The following SORCS1 variants were observed in gnomAD, a reference collection of about 807,000 sequenced individuals.
SORCS1 encodes sortilin related VPS10 domain containing receptor 1, also known as VPS10 domain-containing receptor SorCS1.
Under a neutral mutation model 146.1 loss-of-function variants are expected in SORCS1, and 60 were observed. The observed-to-expected ratio is 0.41, with a 90% CI of 0.33 to 0.51. The LOEUF (loss-of-function observed/expected upper bound fraction) is 0.51. SORCS1 is among the 20% of genes least tolerant of loss of function. The probability of loss-of-function intolerance (pLI) is 0.21; values close to 1 mark genes in which losing one functional copy is unlikely to be tolerated. For synonymous variants in SORCS1, 637 were observed against 584.0 expected, an observed-to-expected ratio of 1.09 and a Z score of -1.31; for missense variants, 1,352 against 1,487.6, an observed-to-expected ratio of 0.91 and a Z score of 1.50.
intron 1 of SORCS1, among the ~76,000 whole-genome samples, chr10:107,065,144 G>A (rs1961620105): frequency 6.6e-6 from 1 of 152,122 alleles, no homozygotes; most frequent in Non-Finnish European, 1.5e-5. Flanking sequence ...GAGGGTGGGG[G>A]GAGGCAGGGA....
chr10:107,146,738 C>T (rs1968363196), intron 1 of SORCS1, among the ~76,000 whole-genome samples: 1 of 151,996 alleles, frequency 6.6e-6, no homozygotes, highest in African/African-American at 2.4e-5. Flanking sequence ...GTTTTTAGAC[C>T]CCAACTTCAC....
At chr10:106,914,264 C>T (rs980687083) in intron 2 of SORCS1, among the ~76,000 whole-genome samples, 11 of 151,998 alleles carry the variant, frequency 7.2e-5, no homozygotes, top group Admixed American at 3.3e-4. Flanking sequence ...TCCTTTCTCC[C>T]ATTGGGACAG....
chr10:106,658,327 A>G (rs76010104), intron 17 of SORCS1, among the ~76,000 whole-genome samples: 9 of 151,942 alleles, frequency 5.9e-5, no homozygotes, highest in Admixed American at 2.6e-4. Flanking sequence ...AAAAAAAAAA[A>G]TCAGCTTCAA....
intron 1 of SORCS1, among the ~76,000 whole-genome samples, chr10:106,962,271 T>C (rs1014773707): frequency 6.6e-6 from 1 of 151,658 alleles, no homozygotes; most frequent in South Asian, 2.1e-4. Context: ...TGGTGGTGCA[T>C]GCCTTCATCC....
intron 1 of SORCS1, among the ~76,000 whole-genome samples, chr10:107,161,348 A>G (rs1969688705): frequency 6.6e-6 from 1 of 152,196 alleles, no homozygotes; most frequent in Admixed American, 6.5e-5. Context: ...GTCTGGGGGC[A>G]GATTTATAGG....
chr10:106,766,438 A>C (rs1224332981), intron 4 of SORCS1, among the ~76,000 whole-genome samples: 2 of 152,188 alleles, frequency 1.3e-5, no homozygotes, highest in African/African-American at 4.8e-5. Context: ...CTGAGGCATC[A>C]CAAATATCAA....
At chr10:106,867,119 C>T (rs898624898) in intron 2 of SORCS1, among the ~76,000 whole-genome samples, 3 of 151,990 alleles carry the variant, frequency 2.0e-5, no homozygotes, top group African/African-American at 7.2e-5. Flanking sequence ...GAAGGTCATC[C>T]ACAAAACACA....
chr10:106,579,002 G>A, intron 25 of SORCS1: 1 of 1,519,190 alleles, frequency 6.6e-7, no homozygotes, highest in Non-Finnish European at 8.8e-7. Context: ...GCAAAAGAAA[G>A]TGGTTATGTC....
In SORCS1 at chr10:106,733,416, A is replaced by C. The variant is rs1856747642; in HGVS notation, c.960-3302T>G. ...GCTGCTTTTACTTTATGGCCTAGTG[A>C]GTTCTTAATTGCTGAGGCCAATCAA... On this transcript the variant is annotated intron_variant, in intron 5 of 25. Coordinates refer to ENST00000263054, the MANE Select transcript of SORCS1 (RefSeq NM_052918.5). Among the ~76,000 whole-genome samples, 4 of 152,278 alleles carry C rather than the reference A, an allele frequency of 2.6e-5. No homozygotes were observed. The South Asian group carries it at 8.3e-4, about 32-fold the overall frequency.
intron 17 of SORCS1, among the ~76,000 whole-genome samples, chr10:106,658,774 A>G (rs2135344359): frequency 6.6e-6 from 1 of 152,334 alleles, no homozygotes; most frequent in Non-Finnish European, 1.5e-5. Flanking sequence ...TCACATGAAG[A>G]TACAGGGCTA....
chr10:106,976,175 C>A (rs979478984), intron 1 of SORCS1, among the ~76,000 whole-genome samples: 1 of 148,424 alleles, frequency 6.7e-6, no homozygotes, highest in African/African-American at 2.4e-5. Context: ...GAAGCCTTCC[C>A]AACCTCTTTT....
Position 107,124,464 on chromosome 10 carries a change from C to T in SORCS1, c.558+39505G>A, listed in dbSNP as rs889777818. Among the ~76,000 whole-genome samples the T allele has an allele frequency of 3.3e-5, 5 of 152,224 alleles. No homozygotes were observed. The East Asian group carries it at 9.7e-4, about 29-fold the overall frequency. On this transcript the variant is annotated intron_variant, in intron 1 of 25. Transcript: ENST00000263054. ...CAGGACCAGTCAGGTTTTAATTTTT[C>T]CTTTTTTTCTCCCAAACCGGTGACT...
rs140061433 is a variant in SORCS1 at position 106,835,120 on chromosome 10, C to A, written c.627-5447G>T. ...TCAGAAACCACCATCTGAGGCATCC[C>A]ACCCGCCTTCCAAGAGGTTATTATC... On this transcript the variant is annotated intron_variant, in intron 2 of 25. Transcript: ENST00000263054. 4.3e-3 allele frequency among the ~76,000 whole-genome samples: 658 copies of A among 152,246 alleles called. 7 individuals carry two copies. The highest frequency in any genetic ancestry group is 0.016 in the African/African-American group (647 of 41,544).
intron 2 of SORCS1, among the ~76,000 whole-genome samples, chr10:106,937,247 G>C (rs1953774055): frequency 6.7e-6 from 1 of 150,222 alleles, no homozygotes; most frequent in Admixed American, 6.6e-5. Context: ...TCAGCTCACT[G>C]CACCCTCCGC....
At chr10:107,165,046 CG>C (rs911119994), upstream of SORCS1, among the ~76,000 whole-genome samples, 3 of 151,882 alleles carry the variant, frequency 2.0e-5, no homozygotes, top group African/African-American at 7.2e-5. This position sits in a 1 kb window ranked among gnomAD's most constrained non-coding sequence, Gnocchi z 4.0. Context: ...GTCGATGTGT[CG>C]GGAGCTTCCT....
intron 1 of SORCS1, among the ~76,000 whole-genome samples, chr10:107,034,710 A>AAAAAAAAAAAAAT (rs1958820130): frequency 7.0e-6 from 1 of 143,270 alleles, no homozygotes; most frequent in African/African-American, 2.6e-5. Flanking sequence ...AAAAAAAACA[A>AAAAAAAAAAAAAT]TGTTCATAGA....
chr10:106,679,214 G>A (rs1361844806), intron 12 of SORCS1, 42 bp downstream of exon 12: 1 of 1,525,414 alleles, frequency 6.6e-7, no homozygotes, highest in Non-Finnish European at 9.0e-7. Flanking sequence ...CAATTTTTAT[G>A]TTACTTAAAC....
intron 1 of SORCS1, among the ~76,000 whole-genome samples, chr10:107,141,193 A>G (rs1967809513): frequency 6.6e-6 from 1 of 152,150 alleles, no homozygotes; most frequent in Admixed American, 6.5e-5. Context: ...GTCTGGCAAA[A>G]ACCCATGTGC....
chr10:106,661,172 T>C (rs1421505118), intron 17 of SORCS1, among the ~76,000 whole-genome samples: 3 of 152,224 alleles, frequency 2.0e-5, no homozygotes, highest in Non-Finnish European at 2.9e-5. Flanking sequence ...GAGATATTTA[T>C]AGATACCGAA....
Sources: gnomAD v4.1 joint callset for allele counts (sites outside exome capture counted in the v4.1 genomes callset) on GRCh38, gnomAD v4.1.1 for gene constraint, Gnocchi (gnomAD v3.1) non-coding constraint, MANE v1.5 for transcripts, NCBI Gene and HGNC (gene_info 2026-07-23, HGNC 2026-07-21) for gene names.